The following CACNA2D1 variants were observed in gnomAD, a reference collection of about 807,000 sequenced individuals.
CACNA2D1 encodes the protein calcium voltage-gated channel auxiliary subunit alpha2delta 1.
A neutral mutation model predicts 171.5 loss-of-function variants in CACNA2D1; 53 were observed. The observed-to-expected ratio is 0.31, with a 90% CI of 0.25 to 0.39. The LOEUF is 0.39. Ranked by LOEUF, CACNA2D1 falls within the 10% of genes least tolerant of loss-of-function variation. The pLI, the probability that CACNA2D1 is intolerant of heterozygous loss-of-function variation, is 1.00. For missense variants in CACNA2D1, 903 were observed against 1,299.8 expected, an observed-to-expected ratio of 0.69 and a Z score of 4.69; for synonymous variants, 442 against 443.1, an observed-to-expected ratio of 1.00 and a Z score of 0.03.
chr7:81,996,668 A>G (rs549648149), intron 19 of CACNA2D1, among the ~76,000 whole-genome samples: 2 of 150,526 alleles, frequency 1.3e-5, no homozygotes, highest in Non-Finnish European at 3.0e-5. Context: ...TATTTCTAAT[A>G]TTTTTATTAT....
rs986906436 is a variant in CACNA2D1 at position 82,117,121 on chromosome 7, A to G, written c.449T>C (p.Ile150Thr). 2.5e-6 allele frequency: 4 copies of G among 1,613,928 alleles called. No individual in the cohort carries two copies. Among genetic ancestry groups the G allele is most frequent in the Admixed American group, 3.3e-5 (2 of 59,986 alleles). Residue 150 changes from isoleucine (I) to threonine (T), a missense_variant, in exon 6 of 39, where the codon ATT becomes ACT. Ile to Thr is a moderately conservative substitution (Grantham distance 89). Around this residue, in one of 5 missense-constraint regions of CACNA2D1, gnomAD observed 189 missense variants for 266.8 expected, o/e 0.71. Coordinates refer to ENST00000356860, the MANE Select transcript of CACNA2D1 (RefSeq NM_000722.4). The part of the protein sequence containing the change: ...PGSQRIKPVF[I>T]EDANFGRQIS... Reference sequence around the variant, plus strand: ...TTGTCGTCCAAAATTAGCATCTTCAATGAAAACAGGTTTTATCCTCTGGCT... The same window carrying G: ...TTGTCGTCCAAAATTAGCATCTTCAGTGAAAACAGGTTTTATCCTCTGGCT...
At chr7:82,426,152 T>C (rs147121582) in intron 1 of CACNA2D1, among the ~76,000 whole-genome samples, 2,687 of 126,754 alleles carry the variant, frequency 0.021, 82 homozygotes, top group African/African-American at 0.083. Context: ...AATAAATAAA[T>C]AAATAAATAA....
rs369494951 is a variant in CACNA2D1, at chr7:82,164,489, T to C, written c.354+6061A>G. Among the ~76,000 whole-genome samples, 6 of 152,100 alleles carry C rather than the reference T, an allele frequency of 3.9e-5. No homozygotes were observed. In the East Asian group the frequency reaches 7.7e-4, roughly 20 times the overall value. ...AGAAATTGGAGAAAGAAGAAATTTC[T>C]AGGCAGAGATTATCAAAAGGTCTGA... On this transcript the variant is annotated intron_variant, in intron 4 of 38. Transcript: ENST00000356860.
chr7:82,128,979 A>C (rs889659686), intron 5 of CACNA2D1, among the ~76,000 whole-genome samples: 5 of 152,176 alleles, frequency 3.3e-5, no homozygotes, highest in African/African-American at 1.2e-4. Context: ...TGTTATATCC[A>C]AAGGTATTCA....
chr7:82,370,548 GGGATGGATGGATGGAT>G (rs372328517), intron 1 of CACNA2D1, among the ~76,000 whole-genome samples: 1,174 of 73,096 alleles, frequency 0.016, 20 homozygotes, highest in African/African-American at 0.042. Context: ...GGTAAATGGA[GGGATGGATGGATGGAT>G]GGATGGATGG....
At chr7:82,108,585 C>T (rs10268714) in intron 6 of CACNA2D1, among the ~76,000 whole-genome samples, 55,431 of 151,920 alleles carry the variant, frequency 0.36, 10,485 homozygotes, top group African/African-American at 0.46. Flanking sequence ...AATTGGTCTG[C>T]TGTTCTGTGA....
intron 6 of CACNA2D1, among the ~76,000 whole-genome samples, chr7:82,109,456 A>T (rs1788120043): frequency 6.6e-6 from 1 of 152,156 alleles, no homozygotes; most frequent in Non-Finnish European, 1.5e-5. Flanking sequence ...CACGGTGAGG[A>T]TATTCATATA....
chr7:82,343,092 A>G (rs1818866485), intron 2 of CACNA2D1: 1 of 152,210 alleles, frequency 6.6e-6, no homozygotes. Flanking sequence ...ATTTGGTCAT[A>G]GCCTCAAATT....
At chr7:82,356,052 T>C (rs371904559) in intron 1 of CACNA2D1, among the ~76,000 whole-genome samples, 6 of 152,212 alleles carry the variant, frequency 3.9e-5, no homozygotes, top group African/African-American at 1.4e-4. Context: ...CTCCAGTCCT[T>C]TGTTTAATAG....
chr7:82,167,456 G>A (rs1411675392), intron 4 of CACNA2D1, among the ~76,000 whole-genome samples: 1 of 151,980 alleles, frequency 6.6e-6, no homozygotes, highest in Non-Finnish European at 1.5e-5. Context: ...AAAAAAAGCT[G>A]AGAGGAATGT....
chr7:82,334,574 G>A (rs1316897597), intron 3 of CACNA2D1, among the ~76,000 whole-genome samples: 1 of 152,126 alleles, frequency 6.6e-6, no homozygotes, highest in Non-Finnish European at 1.5e-5. Context: ...CCAAGTAGCT[G>A]AAGATTACAT....
intron 21 of CACNA2D1, 76 bp downstream of exon 21, chr7:81,991,109 A>G: frequency 1.3e-6 from 1 of 789,166 alleles, no homozygotes; most frequent in Non-Finnish European, 2.3e-6. Flanking sequence ...AAATCACATG[A>G]AAATTCACTT....
At chr7:81,975,158 A>C (rs1333767554) in intron 24 of CACNA2D1, among the ~76,000 whole-genome samples, 1 of 152,140 alleles carries the variant, frequency 6.6e-6, no homozygotes, top group Non-Finnish European at 1.5e-5. Context: ...TGTTAAACTT[A>C]TACAAGATGT....
intron 12 of CACNA2D1, among the ~76,000 whole-genome samples, chr7:82,031,192 T>C (rs1482603151): frequency 1.3e-5 from 2 of 151,738 alleles, no homozygotes; most frequent in Non-Finnish European, 2.9e-5. Context: ...GAAGGATATG[T>C]ATATGGCTTT....
At chr7:82,013,392 G>C in intron 14 of CACNA2D1, 69 bp downstream of exon 14, 1 of 599,228 alleles carries the variant, frequency 1.7e-6, no homozygotes, top group Non-Finnish European at 2.6e-6. Context: ...TCCATATTGA[G>C]CATATTTAAA....
In CACNA2D1 at chr7:82,121,481, G is replaced by A. The variant is rs189871326; in HGVS notation, c.397-4308C>T. Among the ~76,000 whole-genome samples the A allele has an allele frequency of 2.0e-5, 3 of 152,286 alleles. No individual in the cohort carries two copies. The East Asian group carries it at 5.8e-4, about 29-fold the overall frequency. On this transcript the variant is annotated intron_variant, in intron 5 of 38. Transcript: ENST00000356860. ...GTGTGGAACTTTCATCCAGTCAGTT[G>A]TTCTAAGTCAAGTTGGAAGGCCAGG...
intron 7 of CACNA2D1, among the ~76,000 whole-genome samples, chr7:82,084,029 T>G (rs563387961): frequency 1.3e-5 from 2 of 152,256 alleles, no homozygotes; most frequent in East Asian, 3.9e-4. Context: ...GCATTTTATG[T>G]TTTTCAGCTT....
intron 3 of CACNA2D1, among the ~76,000 whole-genome samples, chr7:82,250,073 G>A (rs1180645688): frequency 2.6e-5 from 4 of 152,210 alleles, no homozygotes; most frequent in African/African-American, 9.7e-5. Flanking sequence ...CAAGTAAACA[G>A]AGAGAGGCAC....
chr7:82,220,401 G>A (rs1374737570), intron 3 of CACNA2D1, among the ~76,000 whole-genome samples: 1 of 152,086 alleles, frequency 6.6e-6, no homozygotes, highest in East Asian at 1.9e-4. Context: ...ACATCTTTAT[G>A]TTATAGATGA....
Sources: allele counts gnomAD v4.1 joint callset (sites outside exome capture counted in the v4.1 genomes callset), GRCh38; gene constraint gnomAD v4.1.1; regional missense constraint gnomAD v4.1.1; transcripts MANE v1.5; gene names NCBI Gene and HGNC (gene_info 2026-07-23, HGNC 2026-07-21).